Variants in LRRC56 observed in about 807,000 individuals in gnomAD.
The protein encoded by LRRC56 is leucine rich repeat containing 56.
A neutral mutation model predicts 47.8 loss-of-function variants in LRRC56; 41 were observed. That is an observed-to-expected ratio of 0.86 (90% CI 0.67 to 1.11). LRRC56 has a LOEUF of 1.11. LRRC56 is among the 50% of genes most tolerant of loss of function. LRRC56 has a pLI of 0.00. For missense variants in LRRC56, 759 were observed against 704.2 expected, an observed-to-expected ratio of 1.08 and a Z score of -0.88; for synonymous variants, 387 against 311.2, an observed-to-expected ratio of 1.24 and a Z score of -2.56.
At chr11:544,581 C>T in intron 5 of LRRC56, 139 bp from the exon 6 acceptor site, 1 of 860,388 alleles carries the variant, frequency 1.2e-6, no homozygotes, top group South Asian at 1.4e-5. Context: ...GTAACCCCTC[C>T]TGTGGTGTGG....
At chr11:512,931 C>T in the LRRC56 span, among the ~76,000 whole-genome samples, 2 of 152,188 alleles carry the variant, frequency 1.3e-5, no homozygotes, top group Non-Finnish European at 2.9e-5. Context: ...GTTACTACCC[C>T]TTTCCATGGC....
rs558398520 is a variant in LRRC56 at position 554,557 on chromosome 11, G to A, written c.*281G>A. 4.8e-6 allele frequency: 2 copies of A among 414,102 alleles called. No homozygotes were observed. Among genetic ancestry groups the A allele is most frequent in the South Asian group, 6.8e-5 (1 of 14,670 alleles). 25.7% of individuals were successfully genotyped at this position (414,102 alleles called of 1,614,324 possible). ...CAGGCTTTCCCGCGGGCACGGGGGT[G>A]GGGGGTGGTCACCCGAGCAGGCCTG... On this transcript the variant is annotated 3_prime_UTR_variant, in exon 14 of 14. Coordinates refer to ENST00000270115, the MANE Select transcript of LRRC56 (RefSeq NM_198075.4).
At chr11:521,964 A>G in the LRRC56 span, among the ~76,000 whole-genome samples, 7 of 152,256 alleles carry the variant, frequency 4.6e-5, no homozygotes, top group Middle Eastern at 3.4e-3. Flanking sequence ...TCATAACCCA[A>G]ATGAAGGCAG....
chr11:533,405 G>A (rs200394288), upstream of LRRC56: 29 of 1,607,656 alleles, frequency 1.8e-5, no homozygotes, highest in East Asian at 8.9e-5. Context: ...TGGCTGGGGC[G>A]GGGCGGGGCG....
chr11:533,408 G>A (rs753505136), upstream of LRRC56: 1 of 1,608,408 alleles, frequency 6.2e-7, no homozygotes, highest in Non-Finnish European at 8.5e-7. Context: ...CTGGGGCGGG[G>A]CGGGGCGGGT....
the LRRC56 span, among the ~76,000 whole-genome samples, chr11:527,881 T>A: frequency 5.9e-5 from 9 of 152,166 alleles, no homozygotes; most frequent in East Asian, 1.4e-3. Context: ...TGTATTTTTT[T>A]AGTAGAGACA....
the LRRC56 span, among the ~76,000 whole-genome samples, chr11:512,267 G>A: frequency 4.0e-5 from 6 of 148,966 alleles, no homozygotes; most frequent in African/African-American, 1.2e-4. Flanking sequence ...ATGGAGTCTC[G>A]CTCTGTCGCC....
At chr11:530,459 C>A in the LRRC56 span, among the ~76,000 whole-genome samples, 5 of 138,064 alleles carry the variant, frequency 3.6e-5, no homozygotes, top group Non-Finnish European at 7.9e-5. Context: ...GTGTGGCGTC[C>A]CCTGGAGAGA....
chr11:552,531 G>A (rs1852461613), intron 12 of LRRC56, 38 bp from the exon 13 acceptor site: 3 of 1,555,744 alleles, frequency 1.9e-6, no homozygotes, highest in South Asian at 2.3e-5. Context: ...CCCGTGGGGG[G>A]ATCAGGGCTG....
chr11:525,212 T>C, the LRRC56 span, among the ~76,000 whole-genome samples: 1 of 151,256 alleles, frequency 6.6e-6, no homozygotes, highest in Non-Finnish European at 1.5e-5. Flanking sequence ...GAGACCAGCC[T>C]GGCCAACATG....
the LRRC56 span, among the ~76,000 whole-genome samples, chr11:507,495 G>C: frequency 6.6e-6 from 1 of 152,260 alleles, no homozygotes; most frequent in East Asian, 1.9e-4. Context: ...GGGCGCGGGC[G>C]CGTGTGCGTG....
the LRRC56 span, among the ~76,000 whole-genome samples, chr11:522,137 G>C: frequency 6.6e-6 from 1 of 152,118 alleles, no homozygotes; most frequent in Non-Finnish European, 1.5e-5. Flanking sequence ...CTGGAGTGCA[G>C]TGGTACGATC....
rs1483153317 is a variant in LRRC56, at chr11:554,864, A to T, written c.*588A>T. On this transcript the variant is annotated 3_prime_UTR_variant, in exon 14 of 14. Transcript: ENST00000270115. ...ATTTCCAGCTCTCAGGTGTACAGAAATGCGGTTTACTTTGTAGGCCACGTT... is the reference window on the plus strand; with the variant it reads ...ATTTCCAGCTCTCAGGTGTACAGAATTGCGGTTTACTTTGTAGGCCACGTT... 1.4e-6 allele frequency: 1 copy of T among 718,672 alleles called. No individual in the cohort carries two copies. The highest frequency in any genetic ancestry group is 1.9e-5 in the African/African-American group (1 of 52,476). The allele number at this position is 718,672 out of a possible 1,614,324, so 44.5% of individuals were successfully genotyped here. A position where few individuals can be genotyped will look rare whatever the true frequency, so the allele number is the denominator to read the frequency against.
the LRRC56 span, chr11:529,854 C>T: frequency 6.6e-6 from 1 of 152,202 alleles, no homozygotes; most frequent in African/African-American, 2.4e-5. Context: ...TCCAGAATCC[C>T]AAGGGGTCAG....
chr11:532,518 T>A, the LRRC56 span: 4 of 1,397,276 alleles, frequency 2.9e-6, no homozygotes, highest in Non-Finnish European at 3.9e-6. Context: ...TGTCCTGAGC[T>A]TGTGCTGGGC....
chr11:506,949 C>T, the LRRC56 span: 1 of 152,264 alleles, frequency 6.6e-6, no homozygotes, highest in Non-Finnish European at 1.5e-5. Flanking sequence ...GCCTCGATAG[C>T]CCCGGACCCC....
upstream of LRRC56, chr11:533,987 T>TG (rs1851291860): frequency 6.3e-7 from 1 of 1,591,004 alleles, no homozygotes; most frequent in South Asian, 1.1e-5. Flanking sequence ...GGACCTTCCG[T>TG]GGGGGGAGTT....
chr11:548,510 T>G (rs1589813918), intron 6 of LRRC56, among the ~76,000 whole-genome samples: 7 of 152,172 alleles, frequency 4.6e-5, no homozygotes, highest in Non-Finnish European at 1.0e-4. Flanking sequence ...CAGGCTGGAG[T>G]GCAGTGGCGC....
intron 5 of LRRC56, among the ~76,000 whole-genome samples, chr11:542,136 G>C (rs891197970): frequency 1.8e-5 from 2 of 113,882 alleles, no homozygotes; most frequent in Non-Finnish European, 3.5e-5. Context: ...ACCCACGCCA[G>C]TACCCCCGGC....
Sources: allele counts gnomAD v4.1 joint callset (sites outside exome capture counted in the v4.1 genomes callset), GRCh38; gene constraint gnomAD v4.1.1; transcripts MANE v1.5; gene names NCBI Gene and HGNC (gene_info 2026-07-23, HGNC 2026-07-21).